The following AUH variants were observed in gnomAD, a reference collection of about 807,000 sequenced individuals.
The protein encoded by AUH is AU RNA binding methylglutaconyl-CoA hydratase.
A neutral mutation model predicts 42.3 loss-of-function variants in AUH; 29 were observed. The observed-to-expected ratio is 0.69, with a 90% CI of 0.51 to 0.93. The LOEUF (loss-of-function observed/expected upper bound fraction) is 0.93, where lower values mean the gene tolerates loss of function less well. AUH is among the 40% of genes least tolerant of loss of function. The pLI, the probability that AUH is intolerant of heterozygous loss-of-function variation, is 0.00. For synonymous variants in AUH, 174 were observed against 166.4 expected, an observed-to-expected ratio of 1.05 and a Z score of -0.35; for missense variants, 452 against 438.1, an observed-to-expected ratio of 1.03 and a Z score of -0.28.
At position 91,361,898 on chromosome 9, in the gene AUH, T is replaced by C; in HGVS notation, c.-9A>G. On this transcript the variant is annotated 5_prime_UTR_variant, in exon 1 of 10. Transcript: ENST00000375731. ...GCCACCGCGGCCGCCATGTTGTCTG[T>C]TTACGGCGTGGACCTGCGACGGCCG... The C allele has an allele frequency of 1.4e-6, 2 of 1,447,992 alleles. No individual in the cohort carries two copies. Among genetic ancestry groups the C allele is most frequent in the Non-Finnish European group, 1.8e-6 (2 of 1,105,388 alleles). The allele number at this position is 1,447,992 out of a possible 1,614,324, so 89.7% of individuals were successfully genotyped here.
At chr9:91,217,420 C>T in intron 7 of AUH, 93 bp from the exon 8 acceptor site, 1 of 1,369,952 alleles carries the variant, frequency 7.3e-7, no homozygotes, top group Non-Finnish European at 1.0e-6. Context: ...ACCACTGGAT[C>T]CATTGCACAG....
intron 8 of AUH, among the ~76,000 whole-genome samples, chr9:91,216,922 A>G (rs1826853954): frequency 6.6e-6 from 1 of 152,250 alleles, no homozygotes; most frequent in Non-Finnish European, 1.5e-5. Flanking sequence ...AATGTTTTGT[A>G]TAATATAATA....
intron 7 of AUH, among the ~76,000 whole-genome samples, chr9:91,219,825 G>T (rs1375180849): frequency 1.3e-5 from 2 of 152,188 alleles, no homozygotes; most frequent in African/African-American, 2.4e-5. Context: ...GCAAGACTCT[G>T]AACAAATGTG....
intron 4 of AUH, among the ~76,000 whole-genome samples, chr9:91,302,171 T>C (rs912641557): frequency 1.3e-5 from 2 of 148,334 alleles, no homozygotes; most frequent in Non-Finnish European, 3.0e-5. Flanking sequence ...GAGCACTTAA[T>C]AATCAAAGAG....
intron 6 of AUH, among the ~76,000 whole-genome samples, chr9:91,236,663 T>C (rs1587663662): frequency 6.6e-6 from 1 of 151,208 alleles, no homozygotes; most frequent in African/African-American, 2.4e-5. Flanking sequence ...TAACTGGAGG[T>C]TGTGGGGTGA....
At chr9:91,280,813 T>C (rs1366578869) in intron 6 of AUH, among the ~76,000 whole-genome samples, 1 of 152,210 alleles carries the variant, frequency 6.6e-6, no homozygotes, top group Non-Finnish European at 1.5e-5. Flanking sequence ...TTATGATCTA[T>C]TTTGAGCTAA....
At chr9:91,353,706 C>T (rs376949681) in intron 3 of AUH, among the ~76,000 whole-genome samples, 4 of 148,900 alleles carry the variant, frequency 2.7e-5, no homozygotes, top group African/African-American at 9.9e-5. Flanking sequence ...GGCTTGGTGG[C>T]GGGCGCCTGT....
intron 3 of AUH, among the ~76,000 whole-genome samples, chr9:91,338,505 A>G (rs1028011865): frequency 3.3e-5 from 5 of 152,166 alleles, no homozygotes; most frequent in African/African-American, 1.2e-4. Flanking sequence ...ATCTCGGCTC[A>G]CTGCAACATC....
intron 3 of AUH, among the ~76,000 whole-genome samples, chr9:91,329,881 A>G (rs1830206437): frequency 2.0e-5 from 3 of 152,324 alleles, no homozygotes; most frequent in Middle Eastern, 3.4e-3. Flanking sequence ...TAAAGTACCT[A>G]TAGCTAACAT....
chr9:91,290,925 T>C (rs1826823138), intron 6 of AUH, among the ~76,000 whole-genome samples: 1 of 152,194 alleles, frequency 6.6e-6, no homozygotes, highest in Admixed American at 6.5e-5. Context: ...TTCATTGCTA[T>C]AACAAATTGC....
rs147477145 is a variant in AUH, at chr9:91,338,799, C to G, written c.419-13395G>C. The stretch of plus-strand genomic sequence containing the variant: ...GAAATAGTTGAACAAATAGGTATAG[C>G]CTTAATTTTGCAGACAGAAACATGA... On this transcript the variant is annotated intron_variant, in intron 3 of 9. Coordinates refer to ENST00000375731, the MANE Select transcript of AUH (RefSeq NM_001698.3). Among the ~76,000 whole-genome samples, 4 of 152,264 alleles carry G rather than the reference C, an allele frequency of 2.6e-5. No individual in the cohort carries two copies. The East Asian group carries it at 7.7e-4, about 29-fold the overall frequency.
At chr9:91,306,941 C>T (rs1004224932) in intron 4 of AUH, among the ~76,000 whole-genome samples, 2 of 152,116 alleles carry the variant, frequency 1.3e-5, no homozygotes, top group Non-Finnish European at 2.9e-5. Context: ...TGGAATACTA[C>T]TCATCAATAA....
intron 6 of AUH, among the ~76,000 whole-genome samples, chr9:91,283,801 T>G (rs979868547): frequency 2.0e-5 from 3 of 151,978 alleles, no homozygotes; most frequent in African/African-American, 7.2e-5. Context: ...CACTGCTCAA[T>G]GAATAAAAGA....
rs777245558 is a variant in AUH, at chr9:91,298,009, A to T, written c.573T>A (p.Ala191=). The T allele has an allele frequency of 8.1e-6, 13 of 1,613,018 alleles. No individual in the cohort carries two copies. The highest frequency in any genetic ancestry group is 1.1e-5 in the Non-Finnish European group (13 of 1,179,078). Reference sequence around the variant, plus strand: ...CTGCTACTCGTATATCACAGGCTAAAGCCAGTTCAAGACCACCACCTAAAG... The same window carrying T: ...CTGCTACTCGTATATCACAGGCTAATGCCAGTTCAAGACCACCACCTAAAG... ...GLALGGGLEL[A]LACDIRVAAS... The change falls in exon 5 of 10, where the codon GCT becomes GCA. Residue 191 remains alanine, a synonymous_variant. Coordinates refer to ENST00000375731, the MANE Select transcript of AUH (RefSeq NM_001698.3).
intron 4 of AUH, among the ~76,000 whole-genome samples, chr9:91,323,003 A>G (rs1829700053): frequency 6.6e-6 from 1 of 152,228 alleles, no homozygotes; most frequent in Non-Finnish European, 1.5e-5. Context: ...TCTTGATTAA[A>G]AACAGAAATA....
chr9:91,306,317 G>A (rs948066981), intron 4 of AUH: 5 of 976,212 alleles, frequency 5.1e-6, no homozygotes, highest in Non-Finnish European at 6.1e-6. Flanking sequence ...TTATCTGGAA[G>A]GTTACACTTA....
At chr9:91,346,184 A>T (rs1831494872) in intron 3 of AUH, among the ~76,000 whole-genome samples, 1 of 152,110 alleles carries the variant, frequency 6.6e-6, no homozygotes, top group Non-Finnish European at 1.5e-5. Context: ...GCTCCAGGAC[A>T]GGCGCTGGTC....
chr9:91,341,526 T>C (rs1261656882), intron 3 of AUH, among the ~76,000 whole-genome samples: 1 of 152,242 alleles, frequency 6.6e-6, no homozygotes, highest in East Asian at 1.9e-4. Context: ...ACTGACAATA[T>C]CTCAAGAACA....
rs115720322 is a variant in AUH at position 91,333,790 on chromosome 9, T to C, written c.419-8386A>G. 3.0e-3 allele frequency among the ~76,000 whole-genome samples: 463 copies of C among 152,356 alleles called. 5 individuals carry two copies. The highest frequency in any genetic ancestry group is 0.011 in the African/African-American group (442 of 41,586). ...CAATTCTAGTAAACTGTCTTCAAAC[T>C]ATGTTGAAAGCAAAGAACCAGAAAC... On this transcript the variant is annotated intron_variant, in intron 3 of 9. Transcript: ENST00000375731.
Sources: gnomAD v4.1 joint callset for allele counts (sites outside exome capture counted in the v4.1 genomes callset) on GRCh38, gnomAD v4.1.1 for gene constraint, MANE v1.5 for transcripts, NCBI Gene and HGNC (gene_info 2026-07-23, HGNC 2026-07-21) for gene names.